Variants in LRP1B observed in about 807,000 individuals in gnomAD.
LRP1B encodes low-density lipoprotein receptor-related protein 1B.
Under a neutral mutation model 556.6 loss-of-function variants are expected in LRP1B, and 217 were observed. The ratio of observed to expected loss-of-function variants is 0.39; its 90% confidence interval spans 0.35 to 0.44. The LOEUF (loss-of-function observed/expected upper bound fraction) is 0.44. LRP1B is among the 20% of genes least tolerant of loss of function. The pLI is 1.00. For missense variants in LRP1B, 5,053 were observed against 5,620.8 expected, an observed-to-expected ratio of 0.90 and a Z score of 3.23; for synonymous variants, 2,047 against 1,865.8, an observed-to-expected ratio of 1.10 and a Z score of -2.50.
At chr2:141,806,218 C>T (rs187457285) in intron 2 of LRP1B, among the ~76,000 whole-genome samples, 7 of 152,132 alleles carry the variant, frequency 4.6e-5, no homozygotes, top group African/African-American at 1.2e-4. Context: ...TTCAAGAAGA[C>T]GTTCCTGCTA....
At chr2:140,492,732 TG>T in intron 56 of LRP1B, 39 bp from the exon 57 acceptor site, 1 of 1,354,674 alleles carries the variant, frequency 7.4e-7, no homozygotes, top group Non-Finnish European at 1.1e-6. Context: ...ACTTTAAGTA[TG>T]TATGCTTTTC....
chr2:141,264,670 G>A (rs932156981), intron 3 of LRP1B, among the ~76,000 whole-genome samples: 2 of 152,144 alleles, frequency 1.3e-5, no homozygotes, highest in South Asian at 4.1e-4. Context: ...GGCCAGGCTG[G>A]TGTCGAACTG....
intron 77 of LRP1B, among the ~76,000 whole-genome samples, chr2:140,337,623 G>C (rs1331451471): frequency 6.6e-5 from 10 of 151,870 alleles, no homozygotes; most frequent in Admixed American, 6.6e-4. Context: ...TTTTAAGCCT[G>C]CTGAAGCATA....
intron 3 of LRP1B, among the ~76,000 whole-genome samples, chr2:141,390,146 A>G (rs1392347802): frequency 1.3e-5 from 2 of 152,174 alleles, no homozygotes; most frequent in African/African-American, 4.8e-5. Context: ...TTCTAAATAA[A>G]TAAATAAAAA....
intron 2 of LRP1B, among the ~76,000 whole-genome samples, chr2:141,656,254 C>T (rs1690005175): frequency 1.3e-5 from 2 of 152,096 alleles, no homozygotes; most frequent in South Asian, 4.1e-4. Context: ...TAATGCCACT[C>T]AGATACAACC....
intron 1 of LRP1B, among the ~76,000 whole-genome samples, chr2:141,878,356 C>A (rs917942666): frequency 1.3e-5 from 2 of 151,218 alleles, no homozygotes; most frequent in Admixed American, 6.6e-5. Context: ...TCTAAGGTAC[C>A]GGCAAAAAAT....
At chr2:140,271,448 C>T (rs1373463045) in intron 85 of LRP1B, among the ~76,000 whole-genome samples, 1 of 151,910 alleles carries the variant, frequency 6.6e-6, no homozygotes, top group African/African-American at 2.4e-5. Flanking sequence ...AGGGTGATTC[C>T]TAATGATAGG....
At chr2:142,009,375 T>C (rs1452149080) in intron 1 of LRP1B, among the ~76,000 whole-genome samples, 2 of 152,138 alleles carry the variant, frequency 1.3e-5, no homozygotes, top group Admixed American at 6.5e-5. Context: ...CCTCTCCTCA[T>C]GTTGAAGTTT....
intron 6 of LRP1B, among the ~76,000 whole-genome samples, chr2:141,217,577 C>T (rs562323968): frequency 8.1e-4 from 124 of 152,196 alleles, no homozygotes; most frequent in East Asian, 1.2e-3. Context: ...TCACCATTTA[C>T]AAAAATTAAC....
chr2:140,457,377 A>G, intron 61 of LRP1B, 86 bp downstream of exon 61: 2 of 1,082,148 alleles, frequency 1.8e-6, no homozygotes, highest in Non-Finnish European at 2.7e-6. Context: ...CAAAAATAAA[A>G]TTACATTTAA....
At chr2:141,943,150 G>T (rs1435693569) in intron 1 of LRP1B, among the ~76,000 whole-genome samples, 1 of 152,128 alleles carries the variant, frequency 6.6e-6, no homozygotes, top group Non-Finnish European at 1.5e-5. Flanking sequence ...TTTAAATGCT[G>T]TATTAAATTT....
At chr2:140,680,564 G>A (rs780717686) in intron 41 of LRP1B, among the ~76,000 whole-genome samples, 1 of 152,278 alleles carries the variant, frequency 6.6e-6, no homozygotes, top group South Asian at 2.1e-4. Context: ...GGTAAGCATA[G>A]CATTGTCATT....
At chr2:141,384,267 G>A (rs976254239) in intron 3 of LRP1B, among the ~76,000 whole-genome samples, 1 of 151,952 alleles carries the variant, frequency 6.6e-6, no homozygotes, top group South Asian at 2.1e-4. Flanking sequence ...AAAATGAAAG[G>A]ATACTAGAAA....
At chr2:140,764,245 T>A (rs1689026186) in intron 35 of LRP1B, among the ~76,000 whole-genome samples, 2 of 152,150 alleles carry the variant, frequency 1.3e-5, no homozygotes, top group African/African-American at 4.8e-5. Flanking sequence ...TGATTCAGTA[T>A]ATAAATCAAA....
chr2:142,076,146 C>CA (rs1445738967), intron 1 of LRP1B, among the ~76,000 whole-genome samples: 4 of 152,172 alleles, frequency 2.6e-5, no homozygotes, highest in East Asian at 3.9e-4. Context: ...TGACATCTGA[C>CA]AAACCATTTT....
chr2:141,731,914 T>C (rs1166260635), intron 2 of LRP1B, among the ~76,000 whole-genome samples: 5 of 152,158 alleles, frequency 3.3e-5, no homozygotes, highest in Admixed American at 6.6e-5. Context: ...TTGAGAAGGT[T>C]GTCTATTTCC....
intron 41 of LRP1B, among the ~76,000 whole-genome samples, chr2:140,629,268 A>G (rs554663870): frequency 3.2e-4 from 47 of 148,946 alleles, no homozygotes; most frequent in African/African-American, 1.0e-3. Context: ...GGGTTTCACC[A>G]TATTGACTAG....
chr2:140,577,370 C>A lies in LRP1B; in HGVS notation c.7194+21261G>T, dbSNP rs150987336. On this transcript the variant is annotated intron_variant, in intron 43 of 90. Coordinates refer to ENST00000389484, the MANE Select transcript of LRP1B (RefSeq NM_018557.3). The stretch of plus-strand genomic sequence containing the variant: ...TGGTGGTGCGCACCTGTAGTCCCAG[C>A]TACTCGGGAGGCTGAGGCAGGAGAA... Among the ~76,000 whole-genome samples the A allele has an allele frequency of 4.5e-3, 691 of 151,992 alleles. 9 individuals carry two copies. Among genetic ancestry groups the A allele is most frequent in the African/African-American group, 0.016 (653 of 41,480 alleles).
intron 3 of LRP1B, among the ~76,000 whole-genome samples, chr2:141,456,178 G>C (rs62168035): frequency 0.021 from 3,263 of 152,324 alleles, 70 homozygotes; most frequent in East Asian, 0.093. Context: ...GCCTGGAGGT[G>C]AATGGCTTTC....
Sources: gnomAD v4.1 joint callset for allele counts (sites outside exome capture counted in the v4.1 genomes callset) on GRCh38, gnomAD v4.1.1 for gene constraint, MANE v1.5 for transcripts, NCBI Gene and HGNC (gene_info 2026-07-23, HGNC 2026-07-21) for gene names.